The following NIBAN1 variants were observed in gnomAD, a reference collection of about 807,000 sequenced individuals.
NIBAN1 encodes niban apoptosis regulator 1.
NIBAN1 carries 81 observed loss-of-function variants against 75.1 expected under a neutral mutation model. The observed-to-expected ratio is 1.08, with a 90% CI of 0.90 to 1.30. NIBAN1 has a LOEUF of 1.30. Ranked by LOEUF, NIBAN1 falls within the 50% of genes most tolerant of loss-of-function variation. NIBAN1 has a pLI of 0.00. For synonymous variants in NIBAN1, 436 were observed against 424.8 expected (o/e 1.03, Z -0.32); for missense variants, 1,133 against 1,128.1 (o/e 1.00, Z -0.06).
At chr1:184,869,728 G>A (rs535248121) in intron 5 of NIBAN1, among the ~76,000 whole-genome samples, 1 of 152,118 alleles carries the variant, frequency 6.6e-6, no homozygotes, top group South Asian at 2.1e-4. Flanking sequence ...TTTTAGTAGA[G>A]ATGGGTTTTC....
intron 1 of NIBAN1, among the ~76,000 whole-genome samples, chr1:184,935,303 C>T (rs916219027): frequency 1.3e-5 from 2 of 151,660 alleles, no homozygotes; most frequent in East Asian, 1.9e-4. Context: ...CCCAGCAGTT[C>T]GAGACCAGCC....
rs185787115 is a variant in NIBAN1, at chr1:184,960,062, T to C, written c.55+14240A>G. ...ATTTTCCATCTGTTAATCTTTGTAC[T>C]CTATTGTCTAAGCAAAGCAGACAGA... On this transcript the variant is annotated intron_variant, in intron 1 of 13. Coordinates refer to ENST00000367511, the MANE Select transcript of NIBAN1 (RefSeq NM_052966.4). Among the ~76,000 whole-genome samples the C allele has an allele frequency of 3.9e-5, 6 of 152,298 alleles. No individual in the cohort carries two copies. In the East Asian group the frequency reaches 1.2e-3, roughly 29 times the overall value.
At chr1:184,911,458 A>T (rs1046901800) in intron 1 of NIBAN1, among the ~76,000 whole-genome samples, 3 of 152,246 alleles carry the variant, frequency 2.0e-5, no homozygotes, top group Admixed American at 2.0e-4. Context: ...TCTGGGCACC[A>T]GGGAAACCAG....
chr1:184,909,456 G>A (rs925527491), intron 1 of NIBAN1, among the ~76,000 whole-genome samples: 1 of 152,156 alleles, frequency 6.6e-6, no homozygotes, highest in African/African-American at 2.4e-5. Flanking sequence ...TTGGGGCCCA[G>A]ATATGCTTGC....
intron 1 of NIBAN1, among the ~76,000 whole-genome samples, chr1:184,944,862 G>A (rs895754523): frequency 1.3e-5 from 2 of 152,170 alleles, no homozygotes; most frequent in African/African-American, 2.4e-5. Flanking sequence ...AATAATTACT[G>A]GGATTTAGTG....
chr1:184,851,718 G>T (rs1655542122), intron 5 of NIBAN1, among the ~76,000 whole-genome samples: 1 of 151,954 alleles, frequency 6.6e-6, no homozygotes, highest in Non-Finnish European at 1.5e-5. Context: ...AAAACATGAG[G>T]ATGAAAAGGG....
At chr1:184,920,441 ATTG>A (rs1338103186) in intron 1 of NIBAN1, among the ~76,000 whole-genome samples, 1 of 152,182 alleles carries the variant, frequency 6.6e-6, no homozygotes, top group Non-Finnish European at 1.5e-5. Context: ...ATAACAAATT[ATTG>A]TTAACTATAC....
intron 6 of NIBAN1, 82 bp from the exon 7 acceptor site, chr1:184,823,824 T>C (rs1654772452): frequency 8.7e-7 from 1 of 1,149,092 alleles, no homozygotes; most frequent in Non-Finnish European, 1.3e-6. Context: ...ATGTCCTGAT[T>C]GGCTGTCCCT....
intron 1 of NIBAN1, among the ~76,000 whole-genome samples, chr1:184,953,081 CTAT>C (rs1029018694): frequency 1.3e-5 from 2 of 152,174 alleles, no homozygotes; most frequent in African/African-American, 4.8e-5. Flanking sequence ...AGAAGGTATA[CTAT>C]TATAAGTGAT....
chr1:184,957,338 A>T (rs1413959387), intron 1 of NIBAN1, among the ~76,000 whole-genome samples: 1 of 152,230 alleles, frequency 6.6e-6, no homozygotes, highest in African/African-American at 2.4e-5. Context: ...CGACTCTTTC[A>T]TAATGAATAA....
chr1:184,887,087 C>T (rs1476093864), intron 4 of NIBAN1, among the ~76,000 whole-genome samples: 2 of 152,206 alleles, frequency 1.3e-5, no homozygotes, highest in South Asian at 2.1e-4. Flanking sequence ...TGCCACTGCA[C>T]TCCAGCCTGG....
At chr1:184,800,733 A>G (rs551126721) in intron 12 of NIBAN1, among the ~76,000 whole-genome samples, 1 of 152,360 alleles carries the variant, frequency 6.6e-6, no homozygotes, top group African/African-American at 2.4e-5. Flanking sequence ...AACTGCTGTG[A>G]ACATTCTTGT....
In NIBAN1 at chr1:184,894,334, T is replaced by C. The variant is rs914311051; in HGVS notation, c.187-128A>G. On this transcript the variant is annotated intron_variant, in intron 2 of 13. Coordinates refer to ENST00000367511, the MANE Select transcript of NIBAN1 (RefSeq NM_052966.4). ...TTCCACTGAGATCCTGGGGAAACTG[T>C]TGCTTCCTCCTCTCCCCCCACAATT... 5.7e-5 allele frequency: 57 copies of C among 1,001,304 alleles called. No individual in the cohort carries two copies. In the African/African-American group the frequency reaches 7.2e-4, roughly 13 times the overall value. 62.0% of individuals were successfully genotyped at this position (1,001,304 alleles called of 1,614,324 possible). A position where few individuals can be genotyped will look rare whatever the true frequency, so the allele number is the denominator to read the frequency against.
chr1:184,801,701 T>C (rs1013100092), intron 12 of NIBAN1, among the ~76,000 whole-genome samples: 3 of 152,222 alleles, frequency 2.0e-5, no homozygotes, highest in African/African-American at 7.2e-5. Context: ...TGCTCTCTAC[T>C]GTGAACTCCA....
At chr1:184,798,390 C>T (rs1400769059) in intron 12 of NIBAN1, among the ~76,000 whole-genome samples, 200 bp from the exon 13 acceptor site, 1 of 152,166 alleles carries the variant, frequency 6.6e-6, no homozygotes. Context: ...GTCTAGGCAC[C>T]ATGCCTGACC....
intron 8 of NIBAN1, among the ~76,000 whole-genome samples, chr1:184,819,149 T>G (rs1654623075): frequency 1.3e-5 from 2 of 152,332 alleles, no homozygotes; most frequent in South Asian, 2.1e-4. Context: ...ACCTATCTAC[T>G]GTCAATCACT....
At chr1:184,898,523 G>T (rs1282372806) in intron 2 of NIBAN1, among the ~76,000 whole-genome samples, 2 of 152,154 alleles carry the variant, frequency 1.3e-5, no homozygotes, top group African/African-American at 2.4e-5. Context: ...GGCTGAGGCA[G>T]GAGAATCACT....
intron 2 of NIBAN1, among the ~76,000 whole-genome samples, chr1:184,896,288 A>G (rs1656799577): frequency 6.6e-6 from 1 of 152,046 alleles, no homozygotes; most frequent in Admixed American, 6.6e-5. Flanking sequence ...TGGTTTTAAT[A>G]TACATTTCTC....
intron 1 of NIBAN1, among the ~76,000 whole-genome samples, chr1:184,940,612 TA>T (rs1658066767): frequency 1.3e-5 from 2 of 152,338 alleles, no homozygotes; most frequent in Non-Finnish European, 2.9e-5. Flanking sequence ...GGTAGTGGGC[TA>T]GGGGGAGAAC....
Sources: allele counts gnomAD v4.1 joint callset (sites outside exome capture counted in the v4.1 genomes callset), GRCh38; gene constraint gnomAD v4.1.1; transcripts MANE v1.5; gene names NCBI Gene and HGNC (gene_info 2026-07-23, HGNC 2026-07-21).